Variants in PIKFYVE observed in about 807,000 individuals in gnomAD.
The protein encoded by PIKFYVE is 1-phosphatidylinositol 3-phosphate 5-kinase.
PIKFYVE carries 122 observed loss-of-function variants against 257.9 expected under a neutral mutation model. That is an observed-to-expected ratio of 0.47 (90% CI 0.41 to 0.55). The LOEUF (loss-of-function observed/expected upper bound fraction) is 0.55, where lower values mean the gene tolerates loss of function less well. Among genes scored for constraint, PIKFYVE ranks in the 20% least tolerant of loss-of-function variants. The pLI, the probability that PIKFYVE is intolerant of heterozygous loss-of-function variation, is 0.00. For missense variants in PIKFYVE, 2,160 were observed against 2,536.6 expected (o/e 0.85, Z 3.19); for synonymous variants, 892 against 868.9 (o/e 1.03, Z -0.47).
rs1346685922 is a variant in PIKFYVE, at chr2:208,285,864, C to T, written c.752C>T (p.Pro251Leu). ...GTGTCTGTGCTTGATCCAAGTGAAC[C>T]CCGAACACCTGTTGGGAGTAGGAAA... is the stretch of plus-strand genomic sequence containing the variant. ...CSVSVLDPSE[P>L]RTPVGSRKAS... The change falls in exon 6 of 42, where the codon CCC (proline) becomes CTC (leucine). Residue 251 changes from proline to leucine, a missense_variant. Physicochemically the swap from Pro to Leu is moderately conservative, Grantham distance 98. Coordinates refer to ENST00000264380, the MANE Select transcript of PIKFYVE (RefSeq NM_015040.4). The T allele has an allele frequency of 1.9e-6, 3 of 1,613,928 alleles. No homozygotes were observed. Among genetic ancestry groups the T allele is most frequent in the Admixed American group, 3.3e-5 (2 of 59,966 alleles).
chr2:208,270,278 G>A (rs1378536461), intron 1 of PIKFYVE, among the ~76,000 whole-genome samples: 1 of 152,048 alleles, frequency 6.6e-6, no homozygotes, highest in Non-Finnish European at 1.5e-5. Context: ...CTGACTTCAG[G>A]TGATCCGTCC....
chr2:208,288,622 A>G (rs1691892001), intron 6 of PIKFYVE, 107 bp from the exon 7 acceptor site: 5 of 1,504,808 alleles, frequency 3.3e-6, no homozygotes, highest in Admixed American at 4.1e-5. Context: ...ACATAATCTC[A>G]TTATTGCAAG....
chr2:208,271,704 A>C lies in PIKFYVE; in HGVS notation c.172+13A>C. The C allele has an allele frequency of 6.2e-7, 1 of 1,607,322 alleles. No homozygotes were observed. Among genetic ancestry groups the C allele is most frequent in the South Asian group, 1.1e-5 (1 of 90,932 alleles). The stretch of plus-strand genomic sequence containing the variant: ...CGTTTTAACAAAGGTAAGACTTATT[A>C]AAGATAAGAGGTTTGATTCAGGTCT... On this transcript the variant is annotated intron_variant, in intron 2 of 41. Coordinates refer to ENST00000264380, the MANE Select transcript of PIKFYVE (RefSeq NM_015040.4).
At chr2:208,300,371 TTAAG>T (rs1165088181) in intron 8 of PIKFYVE, among the ~76,000 whole-genome samples, 1 of 152,096 alleles carries the variant, frequency 6.6e-6, no homozygotes, top group African/African-American at 2.4e-5. Flanking sequence ...GGGAGAGAGT[TTAAG>T]TAGGAGTCTG....
chr2:208,343,608 CTGTCTCTCTTTCTAAATATG>C (rs1392264634), intron 32 of PIKFYVE, among the ~76,000 whole-genome samples: 1 of 152,122 alleles, frequency 6.6e-6, no homozygotes, highest in Non-Finnish European at 1.5e-5. Flanking sequence ...TGTGAATGTG[CTGTCTCTCTTTCTAAATATG>C]TTAATGTTTT....
intron 31 of PIKFYVE, among the ~76,000 whole-genome samples, chr2:208,341,984 C>T (rs182872210): frequency 8.6e-5 from 13 of 151,454 alleles, no homozygotes; most frequent in African/African-American, 3.2e-4. Flanking sequence ...TTGTTAACAT[C>T]TTACACATGT....
rs1360524447 is a variant in PIKFYVE at position 208,354,556 on chromosome 2, CCTT to C, written c.6107-12_6107-10del. On this transcript the variant is annotated splice_polypyrimidine_tract_variant and intron_variant, in intron 40 of 41. Transcript: ENST00000264380. ...ACATAGCTTTATTGCTAATTTCACT[CCTT>C]CTACCCCCCAGATTATATTCGAACA... 5.0e-6 allele frequency: 8 copies of C among 1,597,200 alleles called. No individual in the cohort carries two copies. In the South Asian group the frequency reaches 5.5e-5, roughly 11 times the overall value.
intron 6 of PIKFYVE, 23 bp from the exon 7 acceptor site, chr2:208,288,706 G>A: frequency 6.2e-7 from 1 of 1,613,278 alleles, no homozygotes; most frequent in Non-Finnish European, 8.5e-7. Context: ...AATTATTTCA[G>A]TATTTTCCTA....
rs527337930 is a variant in PIKFYVE, at chr2:208,286,703, A to G, written c.821+770A>G. ...GCTTGGCTGATTTTTTTTTTTTTTTAAGAGATGGGGTCTTGCCATGTTGAC... is the reference window on the plus strand; with the variant it reads ...GCTTGGCTGATTTTTTTTTTTTTTTGAGAGATGGGGTCTTGCCATGTTGAC... On this transcript the variant is annotated intron_variant, in intron 6 of 41. Transcript: ENST00000264380. 6.0e-5 allele frequency among the ~76,000 whole-genome samples: 9 copies of G among 148,840 alleles called. 1 individual carries two copies. In the South Asian group the frequency reaches 1.9e-3, roughly 32 times the overall value.
intron 9 of PIKFYVE, among the ~76,000 whole-genome samples, chr2:208,301,505 AACAG>A (rs1385308163): frequency 6.6e-6 from 1 of 152,212 alleles, no homozygotes; most frequent in African/African-American, 2.4e-5. Flanking sequence ...AAAAAAGAGT[AACAG>A]ACAGGTCCTG....
chr2:208,315,386 A>C lies in PIKFYVE; in HGVS notation c.2007+13A>C, dbSNP rs370465069. Reference sequence around the variant, plus strand: ...CCACATCAAAAAAGTGAGCTCTGCTAATGTTTTACTAATGCTAGGAACTGA... The same window carrying C: ...CCACATCAAAAAAGTGAGCTCTGCTCATGTTTTACTAATGCTAGGAACTGA... On this transcript the variant is annotated intron_variant, in intron 15 of 41. Transcript: ENST00000264380. 5.6e-6 allele frequency: 9 copies of C among 1,613,430 alleles called. No homozygotes were observed. In the African/African-American group the frequency reaches 1.1e-4, roughly 19 times the overall value.
chr2:208,331,221 CAT>C (rs972408553), intron 23 of PIKFYVE, among the ~76,000 whole-genome samples: 3 of 152,198 alleles, frequency 2.0e-5, no homozygotes, highest in East Asian at 1.9e-4. Flanking sequence ...GAGAAAAGGA[CAT>C]GTGTTTTGTT....
chr2:208,326,849 G>T (rs920427228), intron 20 of PIKFYVE, among the ~76,000 whole-genome samples: 1 of 152,102 alleles, frequency 6.6e-6, no homozygotes, highest in East Asian at 1.9e-4. Flanking sequence ...CTCAAAAAAA[G>T]TTAGCTCTTT....
chr2:208,272,791 A>T (rs985076421), intron 2 of PIKFYVE, among the ~76,000 whole-genome samples: 1 of 149,090 alleles, frequency 6.7e-6, no homozygotes, highest in East Asian at 1.9e-4. Flanking sequence ...AGACAATGAT[A>T]CTTAAAAAAA....
intron 19 of PIKFYVE, 50 bp from the exon 20 acceptor site, chr2:208,325,220 C>T: frequency 1.9e-6 from 3 of 1,581,194 alleles, no homozygotes; most frequent in Non-Finnish European, 2.6e-6. Flanking sequence ...ATTTGTACTT[C>T]TGGATTGCCA....
At position 208,335,037 on chromosome 2, in the gene PIKFYVE, C is replaced by T. The variant is rs575773967; in HGVS notation, c.4143-269C>T. 3.6e-4 allele frequency among the ~76,000 whole-genome samples: 54 copies of T among 152,066 alleles called. 1 individual carries two copies. The highest frequency in any genetic ancestry group is 1.1e-3 in the African/African-American group (47 of 41,466). ...ATTAATAGGGATGGTTTATAACAAT[C>T]GTTTTTGGTTTTACAGCAGGTAAGG... is the stretch of plus-strand genomic sequence containing the variant. On this transcript the variant is annotated intron_variant, in intron 24 of 41. Transcript: ENST00000264380.
intron 6 of PIKFYVE, among the ~76,000 whole-genome samples, chr2:208,288,308 T>TA (rs1346647763): frequency 6.6e-6 from 1 of 152,194 alleles, no homozygotes; most frequent in African/African-American, 2.4e-5. Flanking sequence ...GTCATGTAGC[T>TA]AGTAAGAGGT....
rs999341856 is a variant in PIKFYVE, at chr2:208,276,840, A to G, written c.441+10A>G. ...GGAGGGGAAAAGCCAGGTACTGTCT[A>G]GAGGCTTTGGAAGATTACTTATTAA... On this transcript the variant is annotated intron_variant, in intron 4 of 41. Transcript: ENST00000264380. 1 of 1,600,888 alleles carries G rather than the reference A, an allele frequency of 6.2e-7. No homozygotes were observed. Among genetic ancestry groups the G allele is most frequent in the African/African-American group, 1.3e-5 (1 of 74,636 alleles).
chr2:208,332,263 A>AT (rs1559143244), intron 23 of PIKFYVE, among the ~76,000 whole-genome samples: 1 of 152,146 alleles, frequency 6.6e-6, no homozygotes, highest in Admixed American at 6.6e-5. Flanking sequence ...TCTCTTTAAA[A>AT]TTTTTTCTTT....
Sources: gnomAD v4.1 joint callset for allele counts (sites outside exome capture counted in the v4.1 genomes callset) on GRCh38, gnomAD v4.1.1 for gene constraint, MANE v1.5 for transcripts, NCBI Gene and HGNC (gene_info 2026-07-23, HGNC 2026-07-21) for gene names.